Variants in ZBTB10 observed in about 807,000 individuals in gnomAD.
ZBTB10 encodes zinc finger and BTB domain containing 10.
ZBTB10 carries 32 observed loss-of-function variants against 76.4 expected under a neutral mutation model. That is an observed-to-expected ratio of 0.42 (90% CI 0.32 to 0.56). The LOEUF (loss-of-function observed/expected upper bound fraction) is 0.56, where lower values mean the gene tolerates loss of function less well. Ranked by LOEUF, ZBTB10 falls within the 20% of genes least tolerant of loss-of-function variation. The probability of loss-of-function intolerance (pLI) is 0.14; values close to 1 mark genes in which losing one functional copy is unlikely to be tolerated. For synonymous variants in ZBTB10, 523 were observed against 432.9 expected, an observed-to-expected ratio of 1.21 and a Z score of -2.58; for missense variants, 1,057 against 1,098.5, an observed-to-expected ratio of 0.96 and a Z score of 0.53.
intron 1 of ZBTB10, among the ~76,000 whole-genome samples, chr8:80,493,804 A>G (rs760465838): frequency 8.5e-5 from 13 of 152,232 alleles, no homozygotes; most frequent in Non-Finnish European, 1.6e-4. Context: ...TGCTTGGACA[A>G]CAAGAGCGAA....
At position 80,499,583 on chromosome 8, in the gene ZBTB10, A is replaced by G; in HGVS notation, c.1062A>G (p.Leu354=). Reference sequence around the variant, plus strand: ...ATTGCTATCAACTTCTGCGACAACTAAATGAACAGAGAAAGAAAGGTATTC... The same window carrying G: ...ATTGCTATCAACTTCTGCGACAACTGAATGAACAGAGAAAGAAAGGTATTC... ...NSYCYQLLRQ[L]NEQRKKGILC... The change falls in exon 2 of 6, where the codon CTA becomes CTG. Residue 354 remains leucine, a synonymous_variant. Transcript: ENST00000455036. 6.2e-7 allele frequency: 1 copy of G among 1,613,980 alleles called. No individual in the cohort carries two copies. The highest frequency in any genetic ancestry group is 8.5e-7 in the Non-Finnish European group (1 of 1,179,868).
In ZBTB10 at chr8:80,519,444, A is replaced by G. The variant is rs1434283066; in HGVS notation, c.2532A>G (p.Glu844=). 6.2e-7 allele frequency: 1 copy of G among 1,612,528 alleles called. No individual in the cohort carries two copies. The highest frequency in any genetic ancestry group is 8.5e-7 in the Non-Finnish European group (1 of 1,179,266). The change falls in exon 6 of 6, where the codon GAA becomes GAG. Residue 844 remains glutamate (E), a synonymous_variant. Transcript: ENST00000455036. ...YEENEVGEAD[E]ELVDDGEDQN... is the part of the protein sequence containing the mutation. ...AGAATGAAGTAGGAGAAGCTGATGA[A>G]GAGCTAGTTGATGATGGAGAAGATC...
Position 80,519,684 on chromosome 8 carries a change from A to T in ZBTB10, c.*156A>T, listed in dbSNP as rs184338102. The T allele has an allele frequency of 0.028, 22,347 of 785,930 alleles. 382 individuals are homozygous for T. Among genetic ancestry groups the T allele is most frequent in the South Asian group, 0.049 (2,404 of 48,636 alleles). 48.7% of individuals were successfully genotyped at this position (785,930 alleles called of 1,614,324 possible). On this transcript the variant is annotated 3_prime_UTR_variant, in exon 6 of 6. Transcript: ENST00000455036. ...GGGTCAAAGCCTTATAGCAAAAAAAATTTTTTTTTATATTTGCACAGGACT... is the reference window on the plus strand; with the variant it reads ...GGGTCAAAGCCTTATAGCAAAAAAATTTTTTTTTTATATTTGCACAGGACT...
chr8:80,501,014 G>C (rs761508338), intron 2 of ZBTB10, among the ~76,000 whole-genome samples: 2 of 152,010 alleles, frequency 1.3e-5, no homozygotes, highest in African/African-American at 2.4e-5. Flanking sequence ...CTGCAGGTGC[G>C]TGCCACCACA....
In ZBTB10 at chr8:80,520,531, C is replaced by T. The variant is rs1462502718; in HGVS notation, c.*1003C>T. The T allele has an allele frequency of 1.3e-5, 2 of 152,400 alleles. No homozygotes were observed. Among genetic ancestry groups the T allele is most frequent in the Non-Finnish European group, 2.9e-5 (2 of 67,932 alleles). The allele number at this position is 152,400 out of a possible 1,614,324, so 9.4% of individuals were successfully genotyped here. On this transcript the variant is annotated 3_prime_UTR_variant, in exon 6 of 6. Coordinates refer to ENST00000455036, the MANE Select transcript of ZBTB10 (RefSeq NM_001105539.3). The stretch of plus-strand genomic sequence containing the variant: ...TATCCACCATGTCCAGTTTGGTTAG[C>T]TTGTTATGCAATATAAGTGAAATAT...
Position 80,486,670 on chromosome 8 carries a change from A to T in ZBTB10, c.-141A>T, listed in dbSNP as rs1447860744. 3.9e-5 allele frequency: 37 copies of T among 953,534 alleles called. No individual in the cohort carries two copies. The highest frequency in any genetic ancestry group is 4.1e-5 in the Non-Finnish European group (33 of 802,768). 59.1% of individuals were successfully genotyped at this position (953,534 alleles called of 1,614,324 possible). On this transcript the variant is annotated 5_prime_UTR_variant, in exon 1 of 6. Coordinates refer to ENST00000455036, the MANE Select transcript of ZBTB10 (RefSeq NM_001105539.3). ...CGAGCGCGAGCCGGGCTGCCGGGCGAGAGGGCGAGGCCGAGCCCCGCGAGA... is the reference window on the plus strand; with the variant it reads ...CGAGCGCGAGCCGGGCTGCCGGGCGTGAGGGCGAGGCCGAGCCCCGCGAGA...
At chr8:80,487,835 C>G in intron 1 of ZBTB10, 53 bp downstream of exon 1, 2 of 1,505,546 alleles carry the variant, frequency 1.3e-6, no homozygotes, top group South Asian at 1.3e-5. Context: ...AAAGGTTTAT[C>G]AGCACTCCCT....
At chr8:80,493,722 C>T (rs995209045) in intron 1 of ZBTB10, among the ~76,000 whole-genome samples, 3 of 151,548 alleles carry the variant, frequency 2.0e-5, no homozygotes, top group East Asian at 1.9e-4. Context: ...CCCAGCTACT[C>T]GGGAGGCTGA....
chr8:80,486,550 G>A lies in ZBTB10; in HGVS notation c.-261G>A, dbSNP rs1036564132. 2 of 985,950 alleles carry A rather than the reference G, an allele frequency of 2.0e-6. No homozygotes were observed. The highest frequency in any genetic ancestry group is 1.1e-4 in the East Asian group (1 of 8,790). 61.1% of individuals were successfully genotyped at this position (985,950 alleles called of 1,614,324 possible). On this transcript the variant is annotated 5_prime_UTR_variant, in exon 1 of 6. Transcript: ENST00000455036. ...CCTTCTCCGCGCGGGACGCTGCCCG[G>A]AGCGCGGCGGGGCGGGGGTGGAGGA...
intron 2 of ZBTB10, among the ~76,000 whole-genome samples, chr8:80,511,048 A>G (rs1161197235): frequency 1.3e-5 from 2 of 152,176 alleles, no homozygotes; most frequent in South Asian, 2.1e-4. Context: ...CAGTGACGTA[A>G]TATATTGGTT....
At chr8:80,507,102 G>GAT (rs1342320554) in intron 2 of ZBTB10, among the ~76,000 whole-genome samples, 27 of 152,104 alleles carry the variant, frequency 1.8e-4, no homozygotes, top group Admixed American at 6.5e-4. Context: ...GAGGGCAAGA[G>GAT]ATCGAGATCA....
Position 80,519,623 on chromosome 8 carries a change from A to C in ZBTB10, c.*95A>C, listed in dbSNP as rs752971305. 44 of 1,320,736 alleles carry C rather than the reference A, an allele frequency of 3.3e-5. No homozygotes were observed. Among genetic ancestry groups the C allele is most frequent in the Non-Finnish European group, 4.3e-5 (42 of 976,818 alleles). 81.8% of individuals were successfully genotyped at this position (1,320,736 alleles called of 1,614,324 possible). ...CTTGAAGGCTTGCAAAATATGGTAC[A>C]TGCTGGATAGTAGTTATGTTGCTGT... On this transcript the variant is annotated 3_prime_UTR_variant, in exon 6 of 6. Coordinates refer to ENST00000455036, the MANE Select transcript of ZBTB10 (RefSeq NM_001105539.3).
chr8:80,510,944 A>G (rs1474286687), intron 2 of ZBTB10, among the ~76,000 whole-genome samples: 3 of 152,204 alleles, frequency 2.0e-5, no homozygotes, highest in South Asian at 2.1e-4. Flanking sequence ...ATTCGTGTCA[A>G]TTAAGTGGTT....
chr8:80,496,819 A>G (rs1815794839), intron 1 of ZBTB10, among the ~76,000 whole-genome samples: 1 of 152,220 alleles, frequency 6.6e-6, no homozygotes, highest in Admixed American at 6.5e-5. Flanking sequence ...AACAGTTCAT[A>G]GATATATGCT....
intron 1 of ZBTB10, among the ~76,000 whole-genome samples, chr8:80,493,678 AAC>A (rs1454603030): frequency 6.7e-6 from 1 of 149,634 alleles, no homozygotes; most frequent in African/African-American, 2.5e-5. Context: ...AAAAAAAAAA[AAC>A]CGAGCCGGGC....
rs999025109 is a variant in ZBTB10 at position 80,520,827 on chromosome 8, T to C, written c.*1299T>C. 2 of 152,040 alleles carry C rather than the reference T, an allele frequency of 1.3e-5. No homozygotes were observed. Among genetic ancestry groups the C allele is most frequent in the Non-Finnish European group, 2.9e-5 (2 of 67,834 alleles). The allele number at this position is 152,040 out of a possible 1,614,324, so 9.4% of individuals were successfully genotyped here. ...CAAAGGGTGACATATTGAGGTGAAA[T>C]TGTCAGATTTACTTAGCCTGGTGAC... On this transcript the variant is annotated 3_prime_UTR_variant, in exon 6 of 6. Coordinates refer to ENST00000455036, the MANE Select transcript of ZBTB10 (RefSeq NM_001105539.3).
At chr8:80,498,500 AGT>A (rs1210673025) in intron 1 of ZBTB10, among the ~76,000 whole-genome samples, 1 of 152,230 alleles carries the variant, frequency 6.6e-6, no homozygotes, top group East Asian at 1.9e-4. Context: ...TGTTTAGCAA[AGT>A]GTGGCAGGCA....
chr8:80,503,439 G>A (rs1333805231), intron 2 of ZBTB10, among the ~76,000 whole-genome samples: 3 of 152,082 alleles, frequency 2.0e-5, no homozygotes, highest in Non-Finnish European at 4.4e-5. Context: ...CATTTTAAAT[G>A]TAGCCAAAAT....
rs1221776487 is a variant in ZBTB10, at chr8:80,518,385, A to G, written c.1961-18A>G. On this transcript the variant is annotated intron_variant, in intron 3 of 5. Transcript: ENST00000455036. ...ATCTTTATTACCATTATTAATTCAG[A>G]ATTTTTACTTGTACTAGGTACTTCA... is the stretch of plus-strand genomic sequence containing the variant. The G allele has an allele frequency of 2.0e-6, 3 of 1,534,274 alleles. No homozygotes were observed. In the East Asian group the frequency reaches 7.4e-5, roughly 38 times the overall value.
Sources: gnomAD v4.1 joint callset for allele counts (sites outside exome capture counted in the v4.1 genomes callset) on GRCh38, gnomAD v4.1.1 for gene constraint, MANE v1.5 for transcripts, NCBI Gene and HGNC (gene_info 2026-07-23, HGNC 2026-07-21) for gene names.